Variants in LMBR1 observed in about 807,000 individuals in gnomAD.
LMBR1 encodes the protein limb development membrane protein 1.
A neutral mutation model predicts 73.9 loss-of-function variants in LMBR1; 52 were observed. The observed-to-expected ratio is 0.70, with a 90% confidence interval of 0.56 to 0.89. LMBR1 has a LOEUF of 0.89. Among genes scored for constraint, LMBR1 ranks in the 40% least tolerant of loss-of-function variants. The pLI, the probability that LMBR1 is intolerant of heterozygous loss-of-function variation, is 0.00. For missense variants in LMBR1, 539 were observed against 579.8 expected (o/e 0.93, Z 0.72); for synonymous variants, 215 against 209.4 (o/e 1.03, Z -0.23).
At chr7:156,832,952 G>T (rs1330408571) in intron 3 of LMBR1, among the ~76,000 whole-genome samples, 1 of 152,146 alleles carries the variant, frequency 6.6e-6, no homozygotes, top group Non-Finnish European at 1.5e-5. Flanking sequence ...GGACATTATT[G>T]GGATAACTAG....
chr7:156,810,086 G>T (rs910846687), intron 4 of LMBR1, among the ~76,000 whole-genome samples: 46 of 152,130 alleles, frequency 3.0e-4, no homozygotes, highest in African/African-American at 7.7e-4. Flanking sequence ...AAAAGAGAGA[G>T]ATTTATTTGG....
chr7:156,888,557 A>C (rs1802345791), intron 1 of LMBR1, among the ~76,000 whole-genome samples: 1 of 152,180 alleles, frequency 6.6e-6, no homozygotes, highest in South Asian at 2.1e-4. Context: ...GAAACAACTC[A>C]GGTCAATTGA....
chr7:156,795,288 T>C (rs1273169746), intron 5 of LMBR1, among the ~76,000 whole-genome samples: 2 of 152,166 alleles, frequency 1.3e-5, no homozygotes, highest in East Asian at 1.9e-4. Flanking sequence ...CTTCATTATA[T>C]AAAAGGGCTT....
At chr7:156,807,454 T>C (rs1189382448) in intron 4 of LMBR1, among the ~76,000 whole-genome samples, 1 of 152,250 alleles carries the variant, frequency 6.6e-6, no homozygotes, top group Non-Finnish European at 1.5e-5. Flanking sequence ...CTCTAAGTTG[T>C]TGAATTTGTT....
chr7:156,781,823 T>C (rs2133197093), intron 5 of LMBR1, among the ~76,000 whole-genome samples: 1 of 152,278 alleles, frequency 6.6e-6, no homozygotes, highest in Non-Finnish European at 1.5e-5. Flanking sequence ...AAAATTGTGG[T>C]GAAATATGCA....
Position 156,866,991 on chromosome 7 carries a change from G to C in LMBR1, c.66+25937C>G, listed in dbSNP as rs115402860. ...CGTCATGACCTCCCGGTTCCACTTT[G>C]TTTGGGTCGGATGTAAGTGACTCTA... is the stretch of plus-strand genomic sequence containing the variant. On this transcript the variant is annotated intron_variant, in intron 1 of 16. Transcript: ENST00000353442. Among the ~76,000 whole-genome samples, 554 of 146,164 alleles carry C rather than the reference G, an allele frequency of 3.8e-3. 7 individuals carry two copies. The highest frequency in any genetic ancestry group is 0.013 in the African/African-American group (536 of 41,094).
chr7:156,773,686 T>C (rs1243679085), intron 5 of LMBR1, among the ~76,000 whole-genome samples: 1 of 151,976 alleles, frequency 6.6e-6, no homozygotes, highest in Non-Finnish European at 1.5e-5. Flanking sequence ...TTACACCATA[T>C]ACAAAAATCG....
intron 4 of LMBR1, among the ~76,000 whole-genome samples, chr7:156,821,788 CCT>C (rs1205144866): frequency 2.0e-5 from 3 of 152,102 alleles, no homozygotes; most frequent in Non-Finnish European, 4.4e-5. Context: ...CCCAGCCACC[CCT>C]GTCATTGCCC....
At chr7:156,808,640 G>A (rs1832567183) in intron 4 of LMBR1, among the ~76,000 whole-genome samples, 1 of 152,078 alleles carries the variant, frequency 6.6e-6, no homozygotes, top group Non-Finnish European at 1.5e-5. Context: ...TGCCCCATGT[G>A]TTAGCTTCCC....
chr7:156,835,386 C>T (rs1000523686), intron 2 of LMBR1, among the ~76,000 whole-genome samples: 7 of 152,066 alleles, frequency 4.6e-5, no homozygotes, highest in African/African-American at 1.7e-4. Flanking sequence ...TACTGTTGTG[C>T]TCACATCCAA....
At chr7:156,716,668 T>C (rs903390878) in intron 15 of LMBR1, among the ~76,000 whole-genome samples, 12 of 152,204 alleles carry the variant, frequency 7.9e-5, no homozygotes, top group Non-Finnish European at 8.8e-5. Flanking sequence ...GATGTCTTCT[T>C]TCTCTATCCT....
chr7:156,788,311 C>A (rs1828527376), intron 5 of LMBR1, among the ~76,000 whole-genome samples: 1 of 152,108 alleles, frequency 6.6e-6, no homozygotes, highest in African/African-American at 2.4e-5. Flanking sequence ...AATACAGGAT[C>A]TAGTGAAGAT....
chr7:156,730,319 G>A (rs1816604647), intron 10 of LMBR1, among the ~76,000 whole-genome samples: 1 of 152,182 alleles, frequency 6.6e-6, no homozygotes. Flanking sequence ...GCTTCTGTCA[G>A]GCTCATGTTT....
At chr7:156,737,041 T>C (rs2132535766) in intron 9 of LMBR1, among the ~76,000 whole-genome samples, 1 of 152,290 alleles carries the variant, frequency 6.6e-6, no homozygotes, top group African/African-American at 2.4e-5. Context: ...TGCCCGCGTC[T>C]CCTGTGGAGC....
intron 4 of LMBR1, 123 bp downstream of exon 4, chr7:156,826,482 C>A: frequency 7.0e-6 from 4 of 569,726 alleles, no homozygotes; most frequent in Non-Finnish European, 1.1e-5. Flanking sequence ...TATTAAAGAC[C>A]CAAATCGTTT....
At chr7:156,852,350 C>A (rs761168832) in intron 1 of LMBR1, among the ~76,000 whole-genome samples, 35 of 151,948 alleles carry the variant, frequency 2.3e-4, no homozygotes, top group Admixed American at 8.5e-4. Flanking sequence ...ACAGAAATCA[C>A]TTAGAAAAAC....
At chr7:156,812,337 C>G (rs551668171) in intron 4 of LMBR1, among the ~76,000 whole-genome samples, 68 of 150,968 alleles carry the variant, frequency 4.5e-4, no homozygotes, top group Non-Finnish European at 7.8e-4. Context: ...GAGAGAGAGA[C>G]AGCAAGAGGG....
intron 9 of LMBR1, chr7:156,736,356 A>G: frequency 3.5e-6 from 1 of 284,544 alleles, no homozygotes; most frequent in Non-Finnish European, 6.6e-6. Flanking sequence ...AGTAAAATAT[A>G]GAGCTTGCAT....
chr7:156,890,447 T>A (rs1157492383), intron 1 of LMBR1, among the ~76,000 whole-genome samples: 1 of 152,212 alleles, frequency 6.6e-6, no homozygotes, highest in Non-Finnish European at 1.5e-5. Flanking sequence ...AGAAATCATA[T>A]CCACCTGTAT....
Sources: gnomAD v4.1 joint callset for allele counts (sites outside exome capture counted in the v4.1 genomes callset) on GRCh38, gnomAD v4.1.1 for gene constraint, MANE v1.5 for transcripts, NCBI Gene and HGNC (gene_info 2026-07-23, HGNC 2026-07-21) for gene names.